Variants in COL5A1 observed in about 807,000 individuals in gnomAD.
COL5A1 encodes collagen alpha-1(V) chain.
A neutral mutation model predicts 263.7 loss-of-function variants in COL5A1; 16 were observed. That is an observed-to-expected ratio of 0.06 (90% CI 0.04 to 0.09). The LOEUF (loss-of-function observed/expected upper bound fraction) is 0.09, where lower values mean the gene tolerates loss of function less well. COL5A1 is among the 10% of genes least tolerant of loss of function. COL5A1 has a pLI of 1.00. For synonymous variants in COL5A1, 1,012 were observed against 1,004.5 expected (o/e 1.01, Z -0.14); for missense variants, 2,036 against 2,540.5 (o/e 0.80, Z 4.27).
At chr9:134,809,482 C>T (rs1838431467) in intron 43 of COL5A1, among the ~76,000 whole-genome samples, 192 bp downstream of exon 43, 1 of 152,070 alleles carries the variant, frequency 6.6e-6, no homozygotes, top group Admixed American at 6.5e-5. Flanking sequence ...GTAATACACG[C>T]CGTCCCCGGC....
chr9:134,828,039 T>C (rs1425996850), intron 63 of COL5A1, among the ~76,000 whole-genome samples: 5 of 152,206 alleles, frequency 3.3e-5, no homozygotes, highest in African/African-American at 9.7e-5. Flanking sequence ...ATCAGTCTTC[T>C]GTGTCCTCAT....
In COL5A1 at chr9:134,804,618, C is replaced by T. The variant is rs148986546; in HGVS notation, c.3115-357C>T. ...GCAGGGGTAGAGTCAGATTTGCACG[C>T]AGAGCCCGCCAGATGAGCGTGGCTT... On this transcript the variant is annotated intron_variant, in intron 39 of 65. Transcript: ENST00000371817. Among the ~76,000 whole-genome samples, 73 of 152,342 alleles carry T rather than the reference C, an allele frequency of 4.8e-4. No homozygotes were observed. The East Asian group carries it at 0.013, about 28-fold the overall frequency.
At chr9:134,694,960 A>G (rs1833408470) in intron 2 of COL5A1, among the ~76,000 whole-genome samples, 1 of 151,974 alleles carries the variant, frequency 6.6e-6, no homozygotes, top group Admixed American at 6.5e-5. Flanking sequence ...TGCCTTGTTG[A>G]CCCAGCACTG....
rs1442999671 is a variant in COL5A1 at position 134,765,800 on chromosome 9, G to A, written c.2088+66G>A. On this transcript the variant is annotated intron_variant, in intron 21 of 65. Transcript: ENST00000371817. This position sits in a 1 kb window ranked among gnomAD's most constrained non-coding sequence, Gnocchi z 5.1. ...GCCTTTGAGACCCCGCCTCCCAGCC[G>A]GTGGACGCTTGGGCACTGGGGCAGC... The A allele has an allele frequency of 7.1e-6, 10 of 1,406,456 alleles. No homozygotes were observed. Among genetic ancestry groups the A allele is most frequent in the East Asian group, 4.6e-5 (2 of 43,658 alleles). 87.1% of individuals were successfully genotyped at this position (1,406,456 alleles called of 1,614,324 possible). A position where few individuals can be genotyped will look rare whatever the true frequency, so the allele number is the denominator to read the frequency against.
At chr9:134,780,917 C>T (rs938980319) in intron 28 of COL5A1, among the ~76,000 whole-genome samples, 4 of 152,250 alleles carry the variant, frequency 2.6e-5, no homozygotes, top group Admixed American at 1.3e-4. Context: ...TGTGGGTTCG[C>T]CCTGCCATGC....
At chr9:134,723,750 T>C (rs1481595859) in intron 4 of COL5A1, among the ~76,000 whole-genome samples, 1 of 152,034 alleles carries the variant, frequency 6.6e-6, no homozygotes, top group Non-Finnish European at 1.5e-5. Context: ...TATGGCACAG[T>C]AGTGCCGAGA....
At position 134,778,859 on chromosome 9, in the gene COL5A1, C is replaced by T. The variant is rs777707593; in HGVS notation, c.2386-1243C>T. On this transcript the variant is annotated intron_variant, in intron 27 of 65. Transcript: ENST00000371817. ...GGCAACCACGCCGCTGCCCTGTCTGCGTGGCTGGAAGTGCCTTGCAGCTGG... is the reference window on the plus strand; with the variant it reads ...GGCAACCACGCCGCTGCCCTGTCTGTGTGGCTGGAAGTGCCTTGCAGCTGG... Among the ~76,000 whole-genome samples the T allele has an allele frequency of 4.6e-5, 7 of 152,356 alleles. No homozygotes were observed. In the East Asian group the frequency reaches 7.7e-4, roughly 17 times the overall value.
chr9:134,820,627 C>T (rs2132870270), intron 58 of COL5A1, among the ~76,000 whole-genome samples: 1 of 152,258 alleles, frequency 6.6e-6, no homozygotes, highest in South Asian at 2.1e-4. Flanking sequence ...TGTTCTGGCT[C>T]CTGCTTCCAC....
intron 27 of COL5A1, 128 bp downstream of exon 27, chr9:134,775,040 G>A (rs1837003148): frequency 2.3e-6 from 2 of 869,674 alleles, no homozygotes; most frequent in Non-Finnish European, 3.7e-6. Flanking sequence ...GAGTAGCCCA[G>A]TCCTCCCAGT....
chr9:134,811,633 C>A, intron 46 of COL5A1, 34 bp downstream of exon 46: 2 of 1,467,748 alleles, frequency 1.4e-6, no homozygotes, highest in Non-Finnish European at 1.9e-6. Flanking sequence ...CCGGGCTCCT[C>A]CGCTTCTGAC....
At chr9:134,760,963 TACAC>T (rs1836401882) in intron 18 of COL5A1, among the ~76,000 whole-genome samples, 3 of 137,548 alleles carry the variant, frequency 2.2e-5, no homozygotes, top group East Asian at 2.3e-4. Flanking sequence ...GCCACACACA[TACAC>T]ACATGTATAC....
In COL5A1 at chr9:134,660,430, T is replaced by C. The variant is rs183623678; in HGVS notation, c.109+18134T>C. On this transcript the variant is annotated intron_variant, in intron 1 of 65. Transcript: ENST00000371817. ...TTCAATTTATTAGAAACCAGTGGAA[T>C]AGAGATGCTGCTGCATATGTGGTCT... is the stretch of plus-strand genomic sequence containing the variant. Among the ~76,000 whole-genome samples, 7 of 152,336 alleles carry C rather than the reference T, an allele frequency of 4.6e-5. No homozygotes were observed. In the East Asian group the frequency reaches 1.3e-3, roughly 29 times the overall value.
chr9:134,689,908 T>G (rs1833214510), intron 1 of COL5A1, among the ~76,000 whole-genome samples: 1 of 152,234 alleles, frequency 6.6e-6, no homozygotes, highest in African/African-American at 2.4e-5. Context: ...GGGAGCCTCT[T>G]GCTCGTGGGC....
At chr9:134,715,406 C>T (rs748527635) in intron 4 of COL5A1, among the ~76,000 whole-genome samples, 1 of 152,132 alleles carries the variant, frequency 6.6e-6, no homozygotes, top group Non-Finnish European at 1.5e-5. Flanking sequence ...GAGACAGATG[C>T]CTTCCTCTTA....
chr9:134,734,200 C>T (rs113903160), intron 9 of COL5A1, among the ~76,000 whole-genome samples: 2,547 of 152,094 alleles, frequency 0.017, 65 homozygotes, highest in East Asian at 0.056. Flanking sequence ...AGGAGAGGGC[C>T]GAGAGTCGAG....
At position 134,798,543 on chromosome 9, in the gene COL5A1, G is replaced by A. The variant is rs547350645; in HGVS notation, c.2952+82G>A. The A allele has an allele frequency of 5.8e-5, 79 of 1,360,138 alleles. No individual in the cohort carries two copies. In the South Asian group the frequency reaches 6.9e-4, roughly 12 times the overall value. The allele number at this position is 1,360,138 out of a possible 1,614,324, so 84.3% of individuals were successfully genotyped here. The stretch of plus-strand genomic sequence containing the variant: ...GTGGGCACAGCCCTCGCTGCCCAGC[G>A]CCATCTAGGACCCTCCTGGCCTGGG... On this transcript the variant is annotated intron_variant, in intron 37 of 65. Coordinates refer to ENST00000371817, the MANE Select transcript of COL5A1 (RefSeq NM_000093.5).
Position 134,823,447 on chromosome 9 carries a change from ACCCAGGACC to A in COL5A1, c.4683_4691del (p.Pro1568_Gly1570del). The A allele has an allele frequency of 6.2e-7, 1 of 1,614,094 alleles. No individual in the cohort carries two copies. The highest frequency in any genetic ancestry group is 8.5e-7 in the Non-Finnish European group (1 of 1,179,994). On this transcript the variant is annotated inframe_deletion, in exon 61 of 66. Transcript: ENST00000371817. ...ACTGGCCCGAAGGGTGAGGCAGGCCACCCAGGACCCCCAGGCCCCCCGGTAAGTAGCCCT... is the reference window on the plus strand; with the variant it reads ...ACTGGCCCGAAGGGTGAGGCAGGCCACCCAGGCCCCCCGGTAAGTAGCCCT...
At chr9:134,780,868 T>C (rs1448834652) in intron 28 of COL5A1, among the ~76,000 whole-genome samples, 1 of 151,996 alleles carries the variant, frequency 6.6e-6, no homozygotes, top group African/African-American at 2.4e-5. Flanking sequence ...AGGGGCGGCC[T>C]CACCGTGCCA....
rs193107550 is a variant in COL5A1, at chr9:134,818,826, G to T, written c.4339-22G>T. The T allele has an allele frequency of 2.6e-3, 4,131 of 1,613,188 alleles. 16 individuals are homozygous for T. The highest frequency in any genetic ancestry group is 0.011 in the Middle Eastern group (64 of 6,062). ...GAGGGACGGGGGACCAGCAACTCAT[G>T]CAGAGCGTCTCTGTGTTTCAGGGAG... On this transcript the variant is annotated intron_variant, in intron 55 of 65. Transcript: ENST00000371817. The surrounding 1 kb of genome is among the most constrained non-coding windows in gnomAD (Gnocchi z 6.0).
Sources: allele counts gnomAD v4.1 joint callset (sites outside exome capture counted in the v4.1 genomes callset), GRCh38; gene constraint gnomAD v4.1.1; non-coding constraint Gnocchi (gnomAD v3.1); transcripts MANE v1.5; gene names NCBI Gene and HGNC (gene_info 2026-07-23, HGNC 2026-07-21).